ZNF26: variants seen among roughly 807,000 people sequenced by gnomAD.
ZNF26 encodes the protein epididymis luminal protein 179.
ZNF26 carries 32 observed loss-of-function variants against 54.9 expected under a neutral mutation model. That is an observed-to-expected ratio of 0.58 (90% CI 0.44 to 0.78). The LOEUF (loss-of-function observed/expected upper bound fraction) is 0.78, where lower values mean the gene tolerates loss of function less well. Ranked by LOEUF, ZNF26 falls within the 30% of genes least tolerant of loss-of-function variation. The pLI is 0.00. For synonymous variants in ZNF26, 221 were observed against 209.2 expected (o/e 1.06, Z -0.49); for missense variants, 524 against 634.0 (o/e 0.83, Z 1.86).
At chr12:132,991,946 G>C (rs927041115) in intron 1 of ZNF26, among the ~76,000 whole-genome samples, 1 of 152,034 alleles carries the variant, frequency 6.6e-6, no homozygotes, top group Admixed American at 6.6e-5. Context: ...TCAGGAGTTC[G>C]AGACCAGCCT....
intron 3 of ZNF26, 113 bp from the exon 4 acceptor site, chr12:133,010,023 A>C: frequency 8.9e-7 from 1 of 1,120,600 alleles, no homozygotes; most frequent in South Asian, 1.9e-5. Flanking sequence ...CCAGTGTGGT[A>C]GGCTTGTTAC....
rs1953448910 is a variant in ZNF26, at chr12:133,010,601, T to A, written c.722T>A (p.Phe241Tyr). Residue 241 changes from phenylalanine (F) to tyrosine (Y), a missense_variant, in exon 4 of 4, where the codon TTC becomes TAC. By Grantham distance (22) the Phe-to-Tyr change is conservative (BLOSUM62 3). Transcript: ENST00000328654. ...AGTGAGTGCGAGAAGGTCTTCTCTT[T>A]CAGGTCACAGCTCATTGTCCATCAG... ...SCSECEKVFS[F>Y]RSQLIVHQEI... The A allele has an allele frequency of 6.2e-7, 1 of 1,613,936 alleles. No individual in the cohort carries two copies. Among genetic ancestry groups the A allele is most frequent in the Non-Finnish European group, 8.5e-7 (1 of 1,180,006 alleles).
In ZNF26 at chr12:133,010,439, C is replaced by A; in HGVS notation, c.560C>A (p.Ser187Ter). 2 of 1,614,040 alleles carry A rather than the reference C, an allele frequency of 1.2e-6. No homozygotes were observed. Among genetic ancestry groups the A allele is most frequent in the South Asian group, 1.1e-5 (1 of 91,040 alleles). ...TGTGGGAAAGCTTTTCGTTGTAAGT[C>A]ACAGCTCATTGTACATCTCAGAATT... ...SECGKAFRCK[S>*]QLIVHLRIHT... The change falls in exon 4 of 4, where the codon TCA (serine) becomes TAA (stop). Residue 187 changes from serine (S) to a stop codon, truncating the protein, a stop_gained. Coordinates refer to ENST00000328654, the MANE Select transcript of ZNF26 (RefSeq NM_019591.4). LOFTEE classifies it high-confidence loss of function.
chr12:133,010,958 A>G lies in ZNF26; in HGVS notation c.1079A>G (p.His360Arg), dbSNP rs1953458652. ...AATATGAAGACACAACTCATTGTACATCAGGGAGTTCACACAGGAAATAAT... is the reference window on the plus strand; with the variant it reads ...AATATGAAGACACAACTCATTGTACGTCAGGGAGTTCACACAGGAAATAAT... Reference protein sequence around the residue: ...AFNMKTQLIVHQGVHTGNNPY... With the variant: ...AFNMKTQLIVRQGVHTGNNPY... Residue 360 changes from histidine (H) to arginine (R), a missense_variant, in exon 4 of 4, where the codon CAT (histidine) becomes CGT (arginine). Transcript: ENST00000328654. The G allele has an allele frequency of 1.2e-6, 2 of 1,614,200 alleles. No individual in the cohort carries two copies. The highest frequency in any genetic ancestry group is 1.7e-6 in the Non-Finnish European group (2 of 1,180,018).
rs1287788824 is a variant in ZNF26 at position 133,002,420 on chromosome 12, A to G, written c.34-4622A>G. On this transcript the variant is annotated intron_variant, in intron 1 of 3. Transcript: ENST00000328654. ...TCTCCCCGGTATCTCCTCTTACACA[A>G]CCCCCTCCCTCTTCCACAGCAGTCA... Among the ~76,000 whole-genome samples, 3 of 150,618 alleles carry G rather than the reference A, an allele frequency of 2.0e-5. No individual in the cohort carries two copies. In the East Asian group the frequency reaches 5.9e-4, roughly 30 times the overall value.
chr12:133,006,935 A>T, intron 1 of ZNF26, 107 bp from the exon 2 acceptor site: 1 of 1,343,752 alleles, frequency 7.4e-7, no homozygotes, highest in South Asian at 1.3e-5. Flanking sequence ...AACCAGCCAC[A>T]GGAAATAGTT....
Position 133,010,831 on chromosome 12 carries a change from G to C in ZNF26, c.952G>C (p.Glu318Gln). Residue 318 changes from glutamate to glutamine, a missense_variant, in exon 4 of 4, where the codon GAA becomes CAA. Coordinates refer to ENST00000328654, the MANE Select transcript of ZNF26 (RefSeq NM_019591.4). ...HTGVKPHKCSECGKAFRSKSY... is the reference protein window; with the variant it reads ...HTGVKPHKCSQCGKAFRSKSY... ...AGGAGTGAAACCCCATAAATGCAGT[G>C]AATGTGGGAAAGCCTTTAGGAGTAA... 4 of 1,614,096 alleles carry C rather than the reference G, an allele frequency of 2.5e-6. No individual in the cohort carries two copies. The South Asian group carries it at 3.3e-5, about 13-fold the overall frequency.
intron 1 of ZNF26, among the ~76,000 whole-genome samples, chr12:132,988,583 A>G (rs1952878699): frequency 6.6e-6 from 1 of 152,104 alleles, no homozygotes; most frequent in South Asian, 2.1e-4. Flanking sequence ...TCCCAAATGT[A>G]TTCTTCTGCT....
rs968617912 is a variant in ZNF26, at chr12:133,014,238, A to G, written c.*2757A>G. On this transcript the variant is annotated 3_prime_UTR_variant, in exon 4 of 4. Coordinates refer to ENST00000328654, the MANE Select transcript of ZNF26 (RefSeq NM_019591.4). ...ATGACAACACCCAGGGCAACGTGACAAAACCCTGTCTACAAAAGTTTCTTA... is the reference window on the plus strand; with the variant it reads ...ATGACAACACCCAGGGCAACGTGACGAAACCCTGTCTACAAAAGTTTCTTA... The G allele has an allele frequency of 1.3e-5, 2 of 152,232 alleles. No individual in the cohort carries two copies. Among genetic ancestry groups the G allele is most frequent in the Non-Finnish European group, 2.9e-5 (2 of 68,064 alleles). The allele number at this position is 152,232 out of a possible 1,614,324, so 9.4% of individuals were successfully genotyped here. A position where few individuals can be genotyped will look rare whatever the true frequency, so the allele number is the denominator to read the frequency against.
intron 1 of ZNF26, among the ~76,000 whole-genome samples, chr12:133,002,835 G>A (rs1204828548): frequency 6.6e-6 from 1 of 151,898 alleles, no homozygotes; most frequent in Non-Finnish European, 1.5e-5. Flanking sequence ...TATTGGCCAG[G>A]CTGGTCTCGA....
intron 1 of ZNF26, among the ~76,000 whole-genome samples, chr12:132,992,421 G>A (rs1952984161): frequency 6.6e-6 from 1 of 151,400 alleles, no homozygotes; most frequent in South Asian, 2.1e-4. Context: ...GATTTTTTGT[G>A]TTTTAAAAAT....
At chr12:133,005,992 C>A in intron 1 of ZNF26, 1 of 706,744 alleles carries the variant, frequency 1.4e-6, no homozygotes, top group Non-Finnish European at 1.7e-6. Context: ...CTGTGTGATG[C>A]TTGCTTCTGG....
intron 1 of ZNF26, among the ~76,000 whole-genome samples, chr12:132,997,307 T>C (rs2137228417): frequency 6.6e-6 from 1 of 151,334 alleles, no homozygotes; most frequent in East Asian, 1.9e-4. Context: ...AGAACAGGGG[T>C]TAATCAGAAG....
chr12:133,003,109 G>T lies in ZNF26; in HGVS notation c.34-3933G>T, dbSNP rs751749728. 4.5e-3 allele frequency among the ~76,000 whole-genome samples: 682 copies of T among 152,216 alleles called. 8 individuals carry two copies. Among genetic ancestry groups the T allele is most frequent in the African/African-American group, 0.015 (625 of 41,504 alleles). ...GATGACTGTTCCCAAAGCTTTTGGGGCTTCTGTGGGAGAGATGGTTTGCTG... is the reference window on the plus strand; with the variant it reads ...GATGACTGTTCCCAAAGCTTTTGGGTCTTCTGTGGGAGAGATGGTTTGCTG... On this transcript the variant is annotated intron_variant, in intron 1 of 3. Coordinates refer to ENST00000328654, the MANE Select transcript of ZNF26 (RefSeq NM_019591.4).
At chr12:133,009,946 G>A (rs942485522) in intron 3 of ZNF26, among the ~76,000 whole-genome samples, 190 bp from the exon 4 acceptor site, 7 of 152,186 alleles carry the variant, frequency 4.6e-5, no homozygotes, top group Middle Eastern at 3.4e-3. Context: ...TTTTCACGAC[G>A]GGACCTGTTT....
chr12:133,012,585 T>C lies in ZNF26; in HGVS notation c.*1104T>C, dbSNP rs1219889921. 8.6e-6 allele frequency: 1 copy of C among 115,640 alleles called. No individual in the cohort carries two copies. The highest frequency in any genetic ancestry group is 1.9e-5 in the Non-Finnish European group (1 of 53,974). 7.2% of individuals were successfully genotyped at this position (115,640 alleles called of 1,614,324 possible). A position where few individuals can be genotyped will look rare whatever the true frequency, so the allele number is the denominator to read the frequency against. On this transcript the variant is annotated 3_prime_UTR_variant, in exon 4 of 4. Transcript: ENST00000328654. ...TTGCTTTTTGTTGTTTGGGTTTTTT[T>C]TTTTTTTTTTTTTTTTTTTTTTTTG...
At chr12:132,992,442 C>T (rs1316651704) in intron 1 of ZNF26, among the ~76,000 whole-genome samples, 4 of 151,788 alleles carry the variant, frequency 2.6e-5, no homozygotes, top group Non-Finnish European at 4.4e-5. Context: ...GATATGCCTA[C>T]GTGCAGGTTT....
Position 133,016,701 on chromosome 12 carries a change from AG to A in ZNF26, c.*5221del, listed in dbSNP as rs1953571637. On this transcript the variant is annotated 3_prime_UTR_variant, in exon 4 of 4. Coordinates refer to ENST00000328654, the MANE Select transcript of ZNF26 (RefSeq NM_019591.4). ...GAGGCTGAGGCAGGAGGATTGCTTGAGCCCAGGAGGTTGAAGCTGCAGTAAG... is the reference window on the plus strand; with the variant it reads ...GAGGCTGAGGCAGGAGGATTGCTTGACCCAGGAGGTTGAAGCTGCAGTAAG... 1 of 151,676 alleles carries A rather than the reference AG, an allele frequency of 6.6e-6. No individual in the cohort carries two copies. The highest frequency in any genetic ancestry group is 1.9e-4 in the East Asian group (1 of 5,162). The allele number at this position is 151,676 out of a possible 1,614,324, so 9.4% of individuals were successfully genotyped here.
In ZNF26 at chr12:133,011,345, A is replaced by G; in HGVS notation, c.1466A>G (p.Lys489Arg). The G allele has an allele frequency of 5.6e-6, 9 of 1,614,122 alleles. No homozygotes were observed. The highest frequency in any genetic ancestry group is 7.6e-6 in the Non-Finnish European group (9 of 1,180,012). The change falls in exon 4 of 4, where the codon AAA (lysine) becomes AGA (arginine). Residue 489 changes from lysine to arginine, a missense_variant. Lys to Arg is a conservative substitution (Grantham distance 26). Coordinates refer to ENST00000328654, the MANE Select transcript of ZNF26 (RefSeq NM_019591.4). The stretch of plus-strand genomic sequence containing the variant: ...CCTTTTAAATGCAGTGAATGTGGAA[A>G]AGCCTTCACTCAGAAGTCATCTCTC... ...EKPFKCSECG[K>R]AFTQKSSLSE... is the part of the protein sequence containing the mutation.
Sources: allele counts gnomAD v4.1 joint callset (sites outside exome capture counted in the v4.1 genomes callset), GRCh38; gene constraint gnomAD v4.1.1; transcripts MANE v1.5; gene names NCBI Gene and HGNC (gene_info 2026-07-23, HGNC 2026-07-21).